CAB39: variants seen among roughly 807,000 people sequenced by gnomAD.
CAB39 encodes the protein calcium-binding protein 39.
CAB39 carries 8 observed loss-of-function variants against 40.0 expected under a neutral mutation model. The observed-to-expected ratio is 0.20, with a 90% CI of 0.12 to 0.36. The LOEUF is 0.36. CAB39 is among the 10% of genes least tolerant of loss of function. The probability of loss-of-function intolerance (pLI) is 1.00; values close to 1 mark genes in which losing one functional copy is unlikely to be tolerated. For synonymous variants in CAB39, 156 were observed against 141.6 expected (o/e 1.10, Z -0.72); for missense variants, 270 against 401.1 (o/e 0.67, Z 2.79).
chr2:230,769,220 A>T (rs1445789358), intron 2 of CAB39, among the ~76,000 whole-genome samples: 1 of 152,254 alleles, frequency 6.6e-6, no homozygotes, highest in Non-Finnish European at 1.5e-5. Flanking sequence ...AATTCTAAAC[A>T]TTTATGCACT....
At chr2:230,741,481 G>A (rs1694876192) in intron 1 of CAB39, among the ~76,000 whole-genome samples, 1 of 152,180 alleles carries the variant, frequency 6.6e-6, no homozygotes, top group African/African-American at 2.4e-5. Flanking sequence ...CTTGGACTGG[G>A]ATAAGGTCTA....
At chr2:230,743,925 T>TC (rs1349539514) in intron 1 of CAB39, among the ~76,000 whole-genome samples, 1 of 150,858 alleles carries the variant, frequency 6.6e-6, no homozygotes, top group African/African-American at 2.4e-5. Context: ...ACTTTTTTTT[T>TC]TTTTTTTTTT....
intron 1 of CAB39, among the ~76,000 whole-genome samples, chr2:230,743,678 A>G (rs1044744407): frequency 1.3e-5 from 2 of 152,222 alleles, no homozygotes; most frequent in African/African-American, 4.8e-5. Context: ...CATTTAGAAG[A>G]GTACTCGCTT....
At chr2:230,770,171 A>C (rs540690100) in intron 2 of CAB39, among the ~76,000 whole-genome samples, 219 of 152,258 alleles carry the variant, frequency 1.4e-3, no homozygotes, top group African/African-American at 5.0e-3. Flanking sequence ...TAGCTATCAA[A>C]ACAAATCAGT....
At chr2:230,790,274 T>C (rs968501337) in intron 2 of CAB39, among the ~76,000 whole-genome samples, 4 of 152,114 alleles carry the variant, frequency 2.6e-5, no homozygotes, top group African/African-American at 7.2e-5. Context: ...ATGTATCTTA[T>C]CCTACTCATT....
At chr2:230,794,116 G>GC (rs1289748071) in intron 4 of CAB39, among the ~76,000 whole-genome samples, 1 of 152,104 alleles carries the variant, frequency 6.6e-6, no homozygotes, top group Non-Finnish European at 1.5e-5. Flanking sequence ...CATGTTCCTG[G>GC]CATGACTGTT....
At chr2:230,812,920 C>T (rs1239226296) in intron 6 of CAB39, among the ~76,000 whole-genome samples, 2 of 152,124 alleles carry the variant, frequency 1.3e-5, no homozygotes, top group East Asian at 3.8e-4. Context: ...TCCAGAAAAA[C>T]TTTTCACAAA....
At chr2:230,776,513 T>A (rs2124938723) in intron 2 of CAB39, among the ~76,000 whole-genome samples, 1 of 152,328 alleles carries the variant, frequency 6.6e-6, no homozygotes, top group African/African-American at 2.4e-5. Flanking sequence ...ATACATTTTA[T>A]TACTTCAAGA....
chr2:230,741,238 G>A (rs1391716968), intron 1 of CAB39, among the ~76,000 whole-genome samples: 2 of 152,214 alleles, frequency 1.3e-5, no homozygotes, highest in African/African-American at 4.8e-5. Context: ...ACACCACACA[G>A]GTTAGTGTGG....
Position 230,747,185 on chromosome 2 carries a change from A to G in CAB39, c.-43-12774A>G, listed in dbSNP as rs533578618. Among the ~76,000 whole-genome samples the G allele has an allele frequency of 4.6e-5, 7 of 152,292 alleles. No individual in the cohort carries two copies. The South Asian group carries it at 1.5e-3, about 32-fold the overall frequency. On this transcript the variant is annotated intron_variant, in intron 1 of 8. Coordinates refer to ENST00000258418, the MANE Select transcript of CAB39 (RefSeq NM_016289.4). ...AGTTGCAGTGAGCTGAGATCACATC[A>G]CTGCGCTCCAGCCTGGGCAACAGAG...
intron 2 of CAB39, among the ~76,000 whole-genome samples, chr2:230,789,127 A>G (rs1695848595): frequency 6.6e-6 from 1 of 152,198 alleles, no homozygotes; most frequent in African/African-American, 2.4e-5. Flanking sequence ...TGTGTTTACT[A>G]ACCTATTCTT....
intron 5 of CAB39, among the ~76,000 whole-genome samples, chr2:230,805,999 T>G (rs1415125353): frequency 1.3e-5 from 2 of 152,098 alleles, no homozygotes. Flanking sequence ...CTTAGAAAGG[T>G]CAGAGAGACC....
chr2:230,777,338 C>G (rs570849563), intron 2 of CAB39, among the ~76,000 whole-genome samples: 4 of 149,212 alleles, frequency 2.7e-5, no homozygotes, highest in East Asian at 3.9e-4. Flanking sequence ...TCATGCTGCT[C>G]TGTAACCTGT....
In CAB39 at chr2:230,748,829, AAAATATATATATATATATAT is replaced by A. The variant is rs1476996862; in HGVS notation, c.-43-11128_-43-11109del. ...TTCCAAAAAGAAAAAAAAAAAAAAA[AAAATATATATATATATATAT>A]ATATATATATATATATATAACAAAA... On this transcript the variant is annotated intron_variant, in intron 1 of 8. Transcript: ENST00000258418. Among the ~76,000 whole-genome samples the A allele has an allele frequency of 5.8e-4, 27 of 46,430 alleles. 1 individual carries two copies. Among genetic ancestry groups the A allele is most frequent in the African/African-American group, 2.1e-3 (23 of 10,714 alleles). 30.5% of individuals were successfully genotyped at this position (46,430 alleles called of 152,430 possible).
intron 8 of CAB39, 110 bp from the exon 9 acceptor site, chr2:230,818,406 A>G: frequency 1.3e-6 from 1 of 799,650 alleles, no homozygotes; most frequent in Non-Finnish European, 2.0e-6. Context: ...CCCTGACTTC[A>G]GCGCCATCCC....
At chr2:230,720,102 A>G (rs1165802569) in intron 1 of CAB39, among the ~76,000 whole-genome samples, 1 of 152,226 alleles carries the variant, frequency 6.6e-6, no homozygotes, top group African/African-American at 2.4e-5. Flanking sequence ...ATTTATTAAC[A>G]AGTCCTCAAG....
At chr2:230,811,620 C>T (rs1034182042) in intron 6 of CAB39, among the ~76,000 whole-genome samples, 1 of 152,214 alleles carries the variant, frequency 6.6e-6, no homozygotes, top group Non-Finnish European at 1.5e-5. Context: ...TGCCTTCATG[C>T]ACCCTCTGTG....
At chr2:230,720,356 T>C (rs1694426161) in intron 1 of CAB39, among the ~76,000 whole-genome samples, 2 of 152,194 alleles carry the variant, frequency 1.3e-5, no homozygotes. Flanking sequence ...CTATCACTGG[T>C]AAGAGATAAG....
intron 1 of CAB39, among the ~76,000 whole-genome samples, chr2:230,753,194 C>T (rs1465446018): frequency 3.9e-5 from 6 of 152,192 alleles, no homozygotes; most frequent in Admixed American, 2.6e-4. Context: ...TGCATGAATG[C>T]GAAAGGGGGA....
Sources: allele counts gnomAD v4.1 joint callset (sites outside exome capture counted in the v4.1 genomes callset), GRCh38; gene constraint gnomAD v4.1.1; transcripts MANE v1.5; gene names NCBI Gene and HGNC (gene_info 2026-07-23, HGNC 2026-07-21).